The following ABTB3 variants were observed in gnomAD, a reference collection of about 807,000 sequenced individuals.
The protein encoded by ABTB3 is ankyrin repeat and BTB domain containing 3, also known as ankyrin repeat- and BTB/POZ domain-containing protein 3.
At chr12:107,382,170 G>A in the ABTB3 span, among the ~76,000 whole-genome samples, 22 of 152,310 alleles carry the variant, frequency 1.4e-4, no homozygotes, top group Non-Finnish European at 2.2e-4. Flanking sequence ...ACTCCCTCAG[G>A]TTGGGCATTC....
the ABTB3 span, among the ~76,000 whole-genome samples, chr12:107,492,673 G>C: frequency 6.6e-6 from 1 of 152,114 alleles, no homozygotes; most frequent in Non-Finnish European, 1.5e-5. Flanking sequence ...TGCAGAATGA[G>C]TTAACGGCCG....
chr12:107,457,669 C>G, the ABTB3 span, among the ~76,000 whole-genome samples: 3 of 152,198 alleles, frequency 2.0e-5, no homozygotes, highest in Admixed American at 1.3e-4. Context: ...ACATGGCTCT[C>G]CTCAGCTTGA....
At chr12:107,375,422 AATCATCATC>A in the ABTB3 span, among the ~76,000 whole-genome samples, 37,774 of 148,286 alleles carry the variant, frequency 0.25, 5,040 homozygotes, top group East Asian at 0.31. Context: ...TGGTGTCAGA[AATCATCATC>A]ATCATCATCA....
the ABTB3 span, among the ~76,000 whole-genome samples, chr12:107,602,818 A>G: frequency 6.6e-6 from 1 of 152,176 alleles, no homozygotes; most frequent in African/African-American, 2.4e-5. Flanking sequence ...TTCCCAAGAG[A>G]GAGAAAGCAA....
At chr12:107,482,913 CTTCTTTCTTTCT>C in the ABTB3 span, among the ~76,000 whole-genome samples, 590 of 117,994 alleles carry the variant, frequency 5.0e-3, 9 homozygotes, top group East Asian at 9.5e-3. Context: ...TCTCTTTCTT[CTTCTTTCTTTCT>C]TTCTTTCTTT....
At chr12:107,588,242 C>T in the ABTB3 span, among the ~76,000 whole-genome samples, 1 of 152,194 alleles carries the variant, frequency 6.6e-6, no homozygotes, top group Non-Finnish European at 1.5e-5. Flanking sequence ...AGGTCATACC[C>T]ATATGGAAAA....
chr12:107,475,777 C>T, the ABTB3 span, among the ~76,000 whole-genome samples: 1 of 151,978 alleles, frequency 6.6e-6, no homozygotes, highest in East Asian at 1.9e-4. Context: ...GACCTTTTGC[C>T]CAAGGCTGAC....
At chr12:107,601,361 C>T in the ABTB3 span, among the ~76,000 whole-genome samples, 1 of 152,226 alleles carries the variant, frequency 6.6e-6, no homozygotes, top group Non-Finnish European at 1.5e-5. Flanking sequence ...TGATGATGAT[C>T]TCCTCCCAAG....
the ABTB3 span, among the ~76,000 whole-genome samples, chr12:107,415,293 T>C: frequency 0.28 from 42,064 of 151,938 alleles, 7,019 homozygotes; most frequent in East Asian, 0.55. Context: ...TTTTAATTAT[T>C]TGAGTAGCGC....
the ABTB3 span, chr12:107,320,467 A>C: frequency 1.3e-4 from 54 of 423,550 alleles, no homozygotes; most frequent in East Asian, 3.5e-3. Flanking sequence ...CCCTGGGCGC[A>C]TGAATTGGGC....
chr12:107,337,094 T>A, the ABTB3 span, among the ~76,000 whole-genome samples: 12 of 152,282 alleles, frequency 7.9e-5, no homozygotes, highest in Non-Finnish European at 1.3e-4. Context: ...CACCTCGTTC[T>A]AATCCAAAGT....
the ABTB3 span, among the ~76,000 whole-genome samples, chr12:107,339,942 G>A: frequency 2.6e-5 from 4 of 151,910 alleles, no homozygotes; most frequent in African/African-American, 9.7e-5. Context: ...TAATGATTTT[G>A]CTTTTGTGGA....
the ABTB3 span, chr12:107,580,936 A>G: frequency 1.3e-6 from 2 of 1,551,616 alleles, no homozygotes; most frequent in Non-Finnish European, 8.7e-7. Flanking sequence ...AGGATTCCAG[A>G]GAGCCTGCCC....
the ABTB3 span, among the ~76,000 whole-genome samples, chr12:107,354,166 C>T: frequency 1.3e-5 from 2 of 152,088 alleles, no homozygotes; most frequent in Non-Finnish European, 2.9e-5. Flanking sequence ...AGAGCTAAAC[C>T]CTCTTACATT....
chr12:107,355,399 G>A, the ABTB3 span, among the ~76,000 whole-genome samples: 1 of 152,218 alleles, frequency 6.6e-6, no homozygotes, highest in Non-Finnish European at 1.5e-5. Context: ...TGGGAGCCCT[G>A]AGCCTTCAGT....
At chr12:107,397,481 G>A in the ABTB3 span, among the ~76,000 whole-genome samples, 5 of 152,240 alleles carry the variant, frequency 3.3e-5, no homozygotes, top group South Asian at 1.0e-3. Flanking sequence ...CTGTGTGTGT[G>A]TGTGTGTCTG....
the ABTB3 span, among the ~76,000 whole-genome samples, chr12:107,506,156 A>G: frequency 6.6e-6 from 1 of 152,226 alleles, no homozygotes; most frequent in Non-Finnish European, 1.5e-5. Flanking sequence ...CCAATAGTGT[A>G]TATGCATTCT....
At chr12:107,517,737 T>C in the ABTB3 span, among the ~76,000 whole-genome samples, 254 of 152,288 alleles carry the variant, frequency 1.7e-3, 6 homozygotes, top group East Asian at 0.041. Flanking sequence ...CCAAAAGCAA[T>C]GGCAACAAAA....
the ABTB3 span, among the ~76,000 whole-genome samples, chr12:107,538,934 G>C: frequency 6.6e-6 from 1 of 152,116 alleles, no homozygotes; most frequent in Non-Finnish European, 1.5e-5. Flanking sequence ...CTCAAAACTG[G>C]GTTCTAGATT....
Sources: gnomAD v4.1 joint callset for allele counts (sites outside exome capture counted in the v4.1 genomes callset) on GRCh38, gnomAD v4.1.1 for gene constraint, MANE v1.5 for transcripts, NCBI Gene and HGNC (gene_info 2026-07-23, HGNC 2026-07-21) for gene names.